Variants in FARP1 observed in about 807,000 individuals in gnomAD.
FARP1 encodes the protein FERM, ARH/RhoGEF and pleckstrin domain protein 1, also known as FERM, ARHGEF and pleckstrin domain-containing protein 1.
FARP1 carries 52 observed loss-of-function variants against 128.8 expected under a neutral mutation model. The ratio of observed to expected loss-of-function variants is 0.40; its 90% CI spans 0.32 to 0.51. FARP1 has a LOEUF of 0.51. Among genes scored for constraint, FARP1 ranks in the 20% least tolerant of loss-of-function variants. The pLI is 0.45. For missense variants in FARP1, 1,333 were observed against 1,367.9 expected (o/e 0.97, Z 0.40); for synonymous variants, 580 against 551.8 (o/e 1.05, Z -0.72).
Position 98,411,913 on chromosome 13 carries a change from A to G in FARP1, c.1705A>G (p.Thr569Ala), listed in dbSNP as rs1295113552. The G allele has an allele frequency of 3.7e-6, 6 of 1,614,190 alleles. No homozygotes were observed. Among genetic ancestry groups the G allele is most frequent in the Admixed American group, 3.3e-5 (2 of 60,022 alleles). Reference sequence around the variant, plus strand: ...TTCTTCTTTCCAGTGGTTTCAGAGCACAGTGAGCAAAGAGGACGCCATGCC... The same window carrying G: ...TTCTTCTTTCCAGTGGTTTCAGAGCGCAGTGAGCAAAGAGGACGCCATGCC... ...LEVITSWFQSTVSKEDAMPEA... is the reference protein window; with the variant it reads ...LEVITSWFQSAVSKEDAMPEA... Residue 569 changes from threonine to alanine, a missense_variant, in exon 16 of 27, where the codon ACA becomes GCA. By Grantham distance (58) the Thr-to-Ala change is moderately conservative. Around this residue, in one of 2 missense-constraint regions of FARP1, gnomAD observed 1,009 missense variants for 969.8 expected, o/e 1.04. Coordinates refer to ENST00000319562, the MANE Select transcript of FARP1 (RefSeq NM_005766.4).
intron 5 of FARP1, among the ~76,000 whole-genome samples, chr13:98,371,075 C>T (rs1189882270): frequency 1.3e-5 from 2 of 152,062 alleles, no homozygotes; most frequent in Non-Finnish European, 2.9e-5. Flanking sequence ...AATCTAAGGG[C>T]AAGTCCAGCT....
Position 98,378,992 on chromosome 13 carries a change from AT to A in FARP1, c.496+1075del, listed in dbSNP as rs1287838115. Among the ~76,000 whole-genome samples the A allele has an allele frequency of 1.2e-4, 12 of 99,304 alleles. 2 individuals carry two copies. The highest frequency in any genetic ancestry group is 6.0e-4 in the African/African-American group (12 of 20,110). The allele number at this position is 99,304 out of a possible 152,430, so 65.1% of individuals were successfully genotyped here. ...AATATATAATCTATATATAATATAT[AT>A]ATAATATATACAATATATAATCTAT... On this transcript the variant is annotated intron_variant, in intron 6 of 26. Coordinates refer to ENST00000319562, the MANE Select transcript of FARP1 (RefSeq NM_005766.4).
intron 3 of FARP1, among the ~76,000 whole-genome samples, chr13:98,363,014 A>G (rs564939793): frequency 1.3e-5 from 2 of 152,312 alleles, no homozygotes; most frequent in African/African-American, 4.8e-5. Context: ...TGCCTGGACA[A>G]TTGCCAACAG....
intron 2 of FARP1, among the ~76,000 whole-genome samples, chr13:98,342,689 AG>A (rs1888020586): frequency 6.6e-6 from 1 of 151,486 alleles, no homozygotes; most frequent in Non-Finnish European, 1.5e-5. Context: ...GACAAAAGCA[AG>A]ACTCTGTTTC....
rs181788269 is a variant in FARP1, at chr13:98,257,355, C to G, written c.171+43942C>G. On this transcript the variant is annotated intron_variant, in intron 2 of 26. Transcript: ENST00000319562. The stretch of plus-strand genomic sequence containing the variant: ...GATTTGCTAATCTTTCTCACTGACA[C>G]GTCTAATTTTGTCAAAAATACACAT... Among the ~76,000 whole-genome samples the G allele has an allele frequency of 1.3e-3, 197 of 152,258 alleles. 1 individual carries two copies. The highest frequency in any genetic ancestry group is 5.2e-3 in the South Asian group (25 of 4,822).
chr13:98,393,821 T>TG, intron 12 of FARP1, 103 bp downstream of exon 12: 1 of 862,952 alleles, frequency 1.2e-6, no homozygotes, highest in South Asian at 1.5e-5. Context: ...TCCTTTCCTT[T>TG]GGGGTTTTTA....
intron 19 of FARP1, among the ~76,000 whole-genome samples, chr13:98,436,906 T>C (rs1300605097): frequency 6.6e-6 from 1 of 152,244 alleles, no homozygotes; most frequent in African/African-American, 2.4e-5. Flanking sequence ...AGACCACTGA[T>C]AAAGAATTCC....
chr13:98,212,307 T>C (rs745576539), intron 1 of FARP1, among the ~76,000 whole-genome samples: 16 of 152,162 alleles, frequency 1.1e-4, no homozygotes, highest in Non-Finnish European at 2.1e-4. Context: ...TCACCCACCT[T>C]GGCCTCCGAA....
At chr13:98,380,256 G>A (rs1423968843) in intron 6 of FARP1, among the ~76,000 whole-genome samples, 1 of 151,994 alleles carries the variant, frequency 6.6e-6, no homozygotes, top group East Asian at 1.9e-4. Flanking sequence ...TGACCAGCCT[G>A]GCCAAGATGG....
At position 98,431,057 on chromosome 13, in the gene FARP1, C is replaced by T; in HGVS notation, c.1920C>T (p.His640=). Residue 640 remains histidine, a synonymous_variant, in exon 18 of 27, where the codon CAC becomes CAT. Coordinates refer to ENST00000319562, the MANE Select transcript of FARP1 (RefSeq NM_005766.4). Reference sequence around the variant, plus strand: ...TGCCTCCCAAGCACCTGGCGGCTCACCTGTGGAAGCACAGCGAGGCCTTGG... The same window carrying T: ...TGCCTCCCAAGCACCTGGCGGCTCATCTGTGGAAGCACAGCGAGGCCTTGG... The part of the protein sequence containing the change: ...NIQGMKHLAA[H]LWKHSEALEA... The T allele has an allele frequency of 6.2e-7, 1 of 1,613,512 alleles. No individual in the cohort carries two copies. The highest frequency in any genetic ancestry group is 8.5e-7 in the Non-Finnish European group (1 of 1,179,560).
In FARP1 at chr13:98,198,421, CAT is replaced by C. The variant is rs1179889538; in HGVS notation, c.-23-14798_-23-14797del. Among the ~76,000 whole-genome samples, 4 of 152,308 alleles carry C rather than the reference CAT, an allele frequency of 2.6e-5. No homozygotes were observed. The East Asian group carries it at 7.7e-4, about 29-fold the overall frequency. On this transcript the variant is annotated intron_variant, in intron 1 of 26. Coordinates refer to ENST00000319562, the MANE Select transcript of FARP1 (RefSeq NM_005766.4). ...GGGATATTATTAAGCAATACAAAGA[CAT>C]GAGCTAGCAAGCTACAAAATTCATG...
chr13:98,356,913 A>C (rs775887409), intron 3 of FARP1, among the ~76,000 whole-genome samples: 3 of 152,186 alleles, frequency 2.0e-5, no homozygotes, highest in Admixed American at 6.5e-5. Flanking sequence ...GGGATTAGGC[A>C]TGAGCCACTG....
chr13:98,426,386 G>A (rs1475414219), intron 17 of FARP1, among the ~76,000 whole-genome samples: 1 of 152,122 alleles, frequency 6.6e-6, no homozygotes, highest in East Asian at 1.9e-4. Flanking sequence ...GCTACTCAGG[G>A]GGCTGAGGGG....
chr13:98,222,216 A>G lies in FARP1; in HGVS notation c.171+8803A>G, dbSNP rs565005359. Among the ~76,000 whole-genome samples the G allele has an allele frequency of 2.6e-5, 4 of 152,252 alleles. No homozygotes were observed. In the South Asian group the frequency reaches 8.3e-4, roughly 32 times the overall value. ...AATTCTGTGGCTCTGGTTTTATTTT[A>G]TGGAATGTGGTCTTGGAAACATGAT... On this transcript the variant is annotated intron_variant, in intron 2 of 26. Coordinates refer to ENST00000319562, the MANE Select transcript of FARP1 (RefSeq NM_005766.4).
intron 2 of FARP1, among the ~76,000 whole-genome samples, chr13:98,239,190 T>C (rs1882618032): frequency 6.6e-6 from 1 of 152,210 alleles, no homozygotes; most frequent in Non-Finnish European, 1.5e-5. Flanking sequence ...ACTTACCCTA[T>C]GGAGAAAGGA....
chr13:98,230,881 T>C (rs1250399564), intron 2 of FARP1, among the ~76,000 whole-genome samples: 1 of 152,118 alleles, frequency 6.6e-6, no homozygotes, highest in Non-Finnish European at 1.5e-5. Context: ...GGAAAGAGGT[T>C]TAATGGACTC....
Position 98,440,797 on chromosome 13 carries a change from C to T in FARP1, c.2757C>T (p.Asn919=), listed in dbSNP as rs1411851176. ...NTMVHVCWHR[N]TSVSMVDFSI... Reference sequence around the variant, plus strand: ...TGGTGCACGTGTGCTGGCACCGCAACACCAGCGTCTCCATGGTGGACTTCA... The same window carrying T: ...TGGTGCACGTGTGCTGGCACCGCAATACCAGCGTCTCCATGGTGGACTTCA... Residue 919 remains asparagine, a synonymous_variant, in exon 24 of 27, where the codon AAC becomes AAT. Coordinates refer to ENST00000319562, the MANE Select transcript of FARP1 (RefSeq NM_005766.4). The T allele has an allele frequency of 6.2e-7, 1 of 1,612,386 alleles. No homozygotes were observed. The highest frequency in any genetic ancestry group is 2.2e-5 in the East Asian group (1 of 44,836).
chr13:98,341,045 T>G (rs1011595473), intron 2 of FARP1: 1 of 144,740 alleles, frequency 6.9e-6, no homozygotes, highest in African/African-American at 2.7e-5. Context: ...GTCAGGCATT[T>G]AAGATCTAGA....
rs1185990415 is a variant in FARP1, at chr13:98,448,326, C to T, written c.*9C>T. On this transcript the variant is annotated 3_prime_UTR_variant, in exon 27 of 27. Coordinates refer to ENST00000319562, the MANE Select transcript of FARP1 (RefSeq NM_005766.4). Reference sequence around the variant, plus strand: ...AGTCTCTTGTGTATTGATGGCCGGACACACTCGTTTCCGCAGTGGCTGCTT... The same window carrying T: ...AGTCTCTTGTGTATTGATGGCCGGATACACTCGTTTCCGCAGTGGCTGCTT... 1 of 1,602,606 alleles carries T rather than the reference C, an allele frequency of 6.2e-7. No homozygotes were observed. The highest frequency in any genetic ancestry group is 8.6e-7 in the Non-Finnish European group (1 of 1,169,410).
Sources: allele counts gnomAD v4.1 joint callset (sites outside exome capture counted in the v4.1 genomes callset), GRCh38; gene constraint gnomAD v4.1.1; regional missense constraint gnomAD v4.1.1; transcripts MANE v1.5; gene names NCBI Gene and HGNC (gene_info 2026-07-23, HGNC 2026-07-21).